The following SEMA3B variants were observed in gnomAD, a reference collection of about 807,000 sequenced individuals.
SEMA3B encodes semaphorin 3B.
A neutral mutation model predicts 77.8 loss-of-function variants in SEMA3B; 71 were observed. The observed-to-expected ratio is 0.91, with a 90% CI of 0.75 to 1.11. SEMA3B has a LOEUF of 1.11. Ranked by LOEUF, SEMA3B falls within the 50% of genes most tolerant of loss-of-function variation. The pLI is 0.00. For synonymous variants in SEMA3B, 470 were observed against 452.9 expected (o/e 1.04, Z -0.48); for missense variants, 968 against 1,056.8 (o/e 0.92, Z 1.17).
rs782265940 is a variant in SEMA3B, at chr3:50,274,361, AG to A, written c.1138-1del. 18 of 1,459,784 alleles carry A rather than the reference AG, an allele frequency of 1.2e-5. No homozygotes were observed. Among genetic ancestry groups the A allele is most frequent in the Non-Finnish European group, 1.6e-5 (18 of 1,104,478 alleles). The allele number at this position is 1,459,784 out of a possible 1,614,324, so 90.4% of individuals were successfully genotyped here. On this transcript the variant is annotated splice_acceptor_variant, in intron 10 of 16. Transcript: ENST00000616701. LOFTEE classifies it high-confidence loss of function. This position sits in a 1 kb window ranked among gnomAD's most constrained non-coding sequence, Gnocchi z 4.7. ...CTGTGCCTCCCTTTCCCCCACCCCC[AG>A]TGCCCCAGCAAGACCTTTGGCACCT... is the stretch of plus-strand genomic sequence containing the variant.
intron 6 of SEMA3B, among the ~76,000 whole-genome samples, chr3:50,272,881 A>AT (rs1553705593): frequency 6.6e-6 from 1 of 151,000 alleles, no homozygotes; most frequent in African/African-American, 2.4e-5. Context: ...AATAATAATA[A>AT]AGAGCAATGG....
In SEMA3B at chr3:50,271,513, C is replaced by T. The variant is rs782441447; in HGVS notation, c.664+33C>T. Reference sequence around the variant, plus strand: ...GCTGGTGGGGTTGGTGGGTAGAGGTCGTCACCCTCCCACAGGGCAGGTGCC... The same window carrying T: ...GCTGGTGGGGTTGGTGGGTAGAGGTTGTCACCCTCCCACAGGGCAGGTGCC... On this transcript the variant is annotated intron_variant, in intron 6 of 16. Transcript: ENST00000616701. 1.2e-5 allele frequency: 18 copies of T among 1,551,806 alleles called. No individual in the cohort carries two copies. The East Asian group carries it at 3.2e-4, about 27-fold the overall frequency.
chr3:50,268,972 T>A, upstream of SEMA3B: 1 of 533,042 alleles, frequency 1.9e-6, no homozygotes, highest in Non-Finnish European at 3.3e-6. Flanking sequence ...CAGTGCAGGG[T>A]GACCCTGAGG....
chr3:50,273,066 A>T lies in SEMA3B; in HGVS notation c.665-232A>T. 1.8e-6 allele frequency: 1 copy of T among 567,574 alleles called. No homozygotes were observed. The highest frequency in any genetic ancestry group is 3.5e-5 in the East Asian group (1 of 28,500). The allele number at this position is 567,574 out of a possible 1,614,324, so 35.2% of individuals were successfully genotyped here. On this transcript the variant is annotated intron_variant, in intron 6 of 16. Coordinates refer to ENST00000616701, the MANE Select transcript of SEMA3B (RefSeq NM_001290060.2). This position sits in a 1 kb window ranked among gnomAD's most constrained non-coding sequence, Gnocchi z 6.5. Reference sequence around the variant, plus strand: ...AGCCGGGCTTCACGCCTGCGCCCCCAGGTAGCCACGGTCTCTGCTGCCCCC... The same window carrying T: ...AGCCGGGCTTCACGCCTGCGCCCCCTGGTAGCCACGGTCTCTGCTGCCCCC...
intron 6 of SEMA3B, among the ~76,000 whole-genome samples, chr3:50,272,284 G>C (rs1553705493): frequency 6.6e-6 from 1 of 151,530 alleles, no homozygotes; most frequent in Non-Finnish European, 1.5e-5. Flanking sequence ...TTAAATAAGG[G>C]CTATGGGCTG....
At chr3:50,266,171 T>C (rs1700893399), upstream of SEMA3B, among the ~76,000 whole-genome samples, 1 of 152,174 alleles carries the variant, frequency 6.6e-6, no homozygotes, top group African/African-American at 2.4e-5. Context: ...TGGGAGCCTC[T>C]GAGGCACTTG....
In SEMA3B at chr3:50,270,707, T is replaced by G; in HGVS notation, c.331-183T>G. On this transcript the variant is annotated intron_variant, in intron 3 of 16. Transcript: ENST00000616701. This position sits in a 1 kb window ranked among gnomAD's most constrained non-coding sequence, Gnocchi z 4.7. ...ATGGGAGGCTTTGCAGGCCTGTGCTTCCCCAGACACCCACCCTCGTGAGGC... is the reference window on the plus strand; with the variant it reads ...ATGGGAGGCTTTGCAGGCCTGTGCTGCCCCAGACACCCACCCTCGTGAGGC... 1 of 1,198,834 alleles carries G rather than the reference T, an allele frequency of 8.3e-7. No homozygotes were observed. Among genetic ancestry groups the G allele is most frequent in the Non-Finnish European group, 1.2e-6 (1 of 869,146 alleles). 74.3% of individuals were successfully genotyped at this position (1,198,834 alleles called of 1,614,324 possible).
At position 50,273,879 on chromosome 3, in the gene SEMA3B, C is replaced by T. The variant is rs782443958; in HGVS notation, c.993-34C>T. ...CCGGGGCGGGCCGCTGGGCTCCACCCGGCCCCTCACCTCGCCCTGGTCTTC... is the reference window on the plus strand; with the variant it reads ...CCGGGGCGGGCCGCTGGGCTCCACCTGGCCCCTCACCTCGCCCTGGTCTTC... On this transcript the variant is annotated intron_variant, in intron 9 of 16. Coordinates refer to ENST00000616701, the MANE Select transcript of SEMA3B (RefSeq NM_001290060.2). This position sits in a 1 kb window ranked among gnomAD's most constrained non-coding sequence, Gnocchi z 6.5. The T allele has an allele frequency of 4.4e-6, 7 of 1,574,994 alleles. No homozygotes were observed. Among genetic ancestry groups the T allele is most frequent in the Non-Finnish European group, 6.0e-6 (7 of 1,158,126 alleles).
Position 50,274,969 on chromosome 3 carries a change from C to T in SEMA3B, c.1449+35C>T, listed in dbSNP as rs782803434. ...CACCCCCAGTCGCCCGGGACCCCCC[C>T]ACCCCACTAAGCCCTGACCCCGTCG... On this transcript the variant is annotated intron_variant, in intron 12 of 16. Transcript: ENST00000616701. This position sits in a 1 kb window ranked among gnomAD's most constrained non-coding sequence, Gnocchi z 4.7. 5 of 1,600,016 alleles carry T rather than the reference C, an allele frequency of 3.1e-6. No homozygotes were observed. The highest frequency in any genetic ancestry group is 3.4e-5 in the Admixed American group (2 of 58,686).
At position 50,273,139 on chromosome 3, in the gene SEMA3B, C is replaced by T. The variant is rs1435290833; in HGVS notation, c.665-159C>T. ...AGGCCCTGATCCTTTGGATTCGGTC[C>T]GCGCAGAGCGCCAACTGGACATGGT... On this transcript the variant is annotated intron_variant, in intron 6 of 16. Coordinates refer to ENST00000616701, the MANE Select transcript of SEMA3B (RefSeq NM_001290060.2). This position sits in a 1 kb window ranked among gnomAD's most constrained non-coding sequence, Gnocchi z 6.5. 5.1e-6 allele frequency: 6 copies of T among 1,176,762 alleles called. No individual in the cohort carries two copies. The African/African-American group carries it at 9.4e-5, about 18-fold the overall frequency. 72.9% of individuals were successfully genotyped at this position (1,176,762 alleles called of 1,614,324 possible). A position where few individuals can be genotyped will look rare whatever the true frequency, so the allele number is the denominator to read the frequency against.
At chr3:50,271,600 T>G (rs1575468851) in intron 6 of SEMA3B, 120 bp downstream of exon 6, 51 of 1,396,922 alleles carry the variant, frequency 3.7e-5, no homozygotes, top group Non-Finnish European at 4.8e-5. Flanking sequence ...ATACCCTCCT[T>G]AATCAGGCAC....
At chr3:50,271,333 G>A in intron 5 of SEMA3B, 28 bp from the exon 6 acceptor site, 1 of 1,556,846 alleles carries the variant, frequency 6.4e-7, no homozygotes, top group Non-Finnish European at 8.7e-7. Flanking sequence ...CCCTCCATTT[G>A]CCTGAGTGGC....
At chr3:50,271,726 AG>A (rs782416220) in intron 6 of SEMA3B, among the ~76,000 whole-genome samples, 9 of 152,184 alleles carry the variant, frequency 5.9e-5, no homozygotes, top group Non-Finnish European at 1.0e-4. Flanking sequence ...CAAGGGAGGA[AG>A]GGAAAAGGAG....
Position 50,275,071 on chromosome 3 carries a change from G to C in SEMA3B, c.1491+18G>C, listed in dbSNP as rs782387269. On this transcript the variant is annotated intron_variant, in intron 13 of 16. Coordinates refer to ENST00000616701, the MANE Select transcript of SEMA3B (RefSeq NM_001290060.2). This position sits in a 1 kb window ranked among gnomAD's most constrained non-coding sequence, Gnocchi z 7.5. Reference sequence around the variant, plus strand: ...CCAAGAGGGTGAGTGACCAGGATGGGGGTCGGGGTGGGATGGACTGAGCTT... The same window carrying C: ...CCAAGAGGGTGAGTGACCAGGATGGCGGTCGGGGTGGGATGGACTGAGCTT... 1.0e-5 allele frequency: 16 copies of C among 1,570,498 alleles called. No homozygotes were observed. Among genetic ancestry groups the C allele is most frequent in the Non-Finnish European group, 1.4e-5 (16 of 1,154,254 alleles).
upstream of SEMA3B, chr3:50,269,131 C>T: frequency 1.3e-6 from 1 of 788,452 alleles, no homozygotes; most frequent in Non-Finnish European, 2.1e-6. The surrounding 1 kb of genome is among the most constrained non-coding windows in gnomAD (Gnocchi z 4.0). Context: ...AGCCTCCCGC[C>T]CTCGCCCTCA....
In SEMA3B at chr3:50,273,025, G is replaced by T. The variant is rs1182250557; in HGVS notation, c.665-273G>T. On this transcript the variant is annotated intron_variant, in intron 6 of 16. Transcript: ENST00000616701. The surrounding 1 kb of genome is among the most constrained non-coding windows in gnomAD (Gnocchi z 6.5). Reference sequence around the variant, plus strand: ...GCCTAAGGTGCTGGGCGACGTGTGGGGCGAGATCGGAGGCTAGCCGGGCTT... The same window carrying T: ...GCCTAAGGTGCTGGGCGACGTGTGGTGCGAGATCGGAGGCTAGCCGGGCTT... 4 of 461,030 alleles carry T rather than the reference G, an allele frequency of 8.7e-6. No individual in the cohort carries two copies. Among genetic ancestry groups the T allele is most frequent in the Non-Finnish European group, 1.6e-5 (4 of 257,002 alleles). The allele number at this position is 461,030 out of a possible 1,614,324, so 28.6% of individuals were successfully genotyped here. A position where few individuals can be genotyped will look rare whatever the true frequency, so the allele number is the denominator to read the frequency against.
In SEMA3B at chr3:50,270,187, C is replaced by T; in HGVS notation, c.170C>T (p.Ala57Val). 6.3e-7 allele frequency: 1 copy of T among 1,598,624 alleles called. No individual in the cohort carries two copies. The highest frequency in any genetic ancestry group is 1.3e-5 in the African/African-American group (1 of 74,690). ...CTGGAGCGAACCTGCTGCTACCAGG[C>T]CTTGCTGGTGGATGAGGAGCGTGGA... ...FSLERTCCYQ[A>V]LLVDEERGRL... The change falls in exon 2 of 17, where the codon GCC (alanine) becomes GTC (valine). Residue 57 changes from alanine to valine, a missense_variant. By Grantham distance (64) the Ala-to-Val change is moderately conservative. Transcript: ENST00000616701. The surrounding 1 kb of genome is among the most constrained non-coding windows in gnomAD (Gnocchi z 4.7).
chr3:50,275,448 C>T lies in SEMA3B; in HGVS notation c.1638C>T (p.Pro546=). The T allele has an allele frequency of 6.2e-7, 1 of 1,607,732 alleles. No homozygotes were observed. The highest frequency in any genetic ancestry group is 8.5e-7 in the Non-Finnish European group (1 of 1,176,714). Residue 546 remains proline, a synonymous_variant, in exon 14 of 17, where the codon CCC becomes CCT. Coordinates refer to ENST00000616701, the MANE Select transcript of SEMA3B (RefSeq NM_001290060.2). This position sits in a 1 kb window ranked among gnomAD's most constrained non-coding sequence, Gnocchi z 7.5. ...GGGTCGCGTGCACGCGCTTCCAGCCCAGTGCCAAGAGGTGGGCGGGGTCGG... is the reference window on the plus strand; with the variant it reads ...GGGTCGCGTGCACGCGCTTCCAGCCTAGTGCCAAGAGGTGGGCGGGGTCGG... The part of the protein sequence containing the change: ...WDGVACTRFQ[P]SAKRRFRRQD...
intron 6 of SEMA3B, among the ~76,000 whole-genome samples, chr3:50,272,532 G>A (rs143702200): frequency 2.6e-5 from 4 of 152,180 alleles, no homozygotes; most frequent in Admixed American, 2.0e-4. Flanking sequence ...CCAACATGGT[G>A]TAACCCCGTC....
Sources: gnomAD v4.1 joint callset for allele counts (sites outside exome capture counted in the v4.1 genomes callset) on GRCh38, gnomAD v4.1.1 for gene constraint, Gnocchi (gnomAD v3.1) non-coding constraint, MANE v1.5 for transcripts, NCBI Gene and HGNC (gene_info 2026-07-23, HGNC 2026-07-21) for gene names.